Variants in MPPED2 observed in about 807,000 individuals in gnomAD.
MPPED2 encodes the protein metallophosphoesterase MPPED2.
Under a neutral mutation model 33.0 loss-of-function variants are expected in MPPED2, and 5 were observed. The ratio of observed to expected loss-of-function variants is 0.15; its 90% CI spans 0.08 to 0.32. The LOEUF is 0.32. Among genes scored for constraint, MPPED2 ranks in the 10% least tolerant of loss-of-function variants. The pLI is 1.00. For missense variants in MPPED2, 275 were observed against 372.1 expected, an observed-to-expected ratio of 0.74 and a Z score of 2.15; for synonymous variants, 136 against 141.9, an observed-to-expected ratio of 0.96 and a Z score of 0.29.
At chr11:30,566,498 A>G (rs1229944424) in intron 2 of MPPED2, among the ~76,000 whole-genome samples, 1 of 152,178 alleles carries the variant, frequency 6.6e-6, no homozygotes, top group Non-Finnish European at 1.5e-5. Context: ...CCTGAAAAAA[A>G]CACGGGAGAC....
chr11:30,456,511 T>C (rs1209844689), intron 4 of MPPED2, among the ~76,000 whole-genome samples: 1 of 152,078 alleles, frequency 6.6e-6, no homozygotes, highest in Non-Finnish European at 1.5e-5. Context: ...TCATTTTCTT[T>C]CTCTCTTTCT....
At chr11:30,442,093 G>A (rs1164656257) in intron 4 of MPPED2, among the ~76,000 whole-genome samples, 1 of 152,208 alleles carries the variant, frequency 6.6e-6, no homozygotes, top group Non-Finnish European at 1.5e-5. Context: ...CATCGTTTAA[G>A]ATAAAATGCA....
Position 30,505,725 on chromosome 11 carries a change from T to C in MPPED2, c.311-10204A>G, listed in dbSNP as rs149482001. On this transcript the variant is annotated intron_variant, in intron 3 of 6. Coordinates refer to ENST00000358117, the MANE Select transcript of MPPED2 (RefSeq NM_001584.3). ...ATCACAAGAAAAATTGGTAAAGACATTGTCAGGTTTCATCTGGATCAGTTG... is the reference window on the plus strand; with the variant it reads ...ATCACAAGAAAAATTGGTAAAGACACTGTCAGGTTTCATCTGGATCAGTTG... 2.0e-5 allele frequency among the ~76,000 whole-genome samples: 3 copies of C among 152,290 alleles called. No homozygotes were observed. The East Asian group carries it at 5.8e-4, about 29-fold the overall frequency.
chr11:30,503,745 A>G (rs951056309), intron 3 of MPPED2, among the ~76,000 whole-genome samples: 11 of 152,176 alleles, frequency 7.2e-5, no homozygotes, highest in Admixed American at 7.2e-4. Context: ...CTCCCATATT[A>G]TAGATTTTTA....
chr11:30,388,880 T>G (rs146763961), exon 7 of MPPED2: 2 of 1,553,780 alleles, frequency 1.3e-6, no homozygotes, highest in African/African-American at 2.7e-5. Context: ...TATGCCAGTT[T>G]CCTCTAGACT....
At chr11:30,505,683 CA>C (rs1177592274) in intron 3 of MPPED2, among the ~76,000 whole-genome samples, 1 of 152,194 alleles carries the variant, frequency 6.6e-6, no homozygotes, top group South Asian at 2.1e-4. Context: ...GCATCCAAAT[CA>C]AGGTTCCACC....
downstream of MPPED2, among the ~76,000 whole-genome samples, chr11:30,406,322 C>A (rs375625513): frequency 3.0e-4 from 45 of 152,266 alleles, 1 homozygote; most frequent in South Asian, 8.3e-3. Flanking sequence ...GCTGAAAAAT[C>A]AGTTCATGCT....
At chr11:30,482,544 T>C (rs1240877992) in intron 4 of MPPED2, among the ~76,000 whole-genome samples, 1 of 152,176 alleles carries the variant, frequency 6.6e-6, no homozygotes, top group Non-Finnish European at 1.5e-5. Flanking sequence ...TTTTGATGAT[T>C]TTCTATATTT....
At chr11:30,517,614 G>A (rs1302641944) in intron 3 of MPPED2, among the ~76,000 whole-genome samples, 1 of 152,102 alleles carries the variant, frequency 6.6e-6, no homozygotes, top group African/African-American at 2.4e-5. Flanking sequence ...TCTGGGACGT[G>A]TCCTTCCTCA....
At position 30,411,446 on chromosome 11, in the gene MPPED2, T is replaced by A; in HGVS notation, c.*22A>T. 1.2e-6 allele frequency: 2 copies of A among 1,609,138 alleles called. No individual in the cohort carries two copies. Among genetic ancestry groups the A allele is most frequent in the South Asian group, 2.2e-5 (2 of 90,254 alleles). ...GGCAGTTTATAGACCTTCCCTCACATTCCAATAGGGCATTTAGAGCTTCAG... is the reference window on the plus strand; with the variant it reads ...GGCAGTTTATAGACCTTCCCTCACAATCCAATAGGGCATTTAGAGCTTCAG... On this transcript the variant is annotated 3_prime_UTR_variant, in exon 7 of 7. Transcript: ENST00000358117.
intron 4 of MPPED2, among the ~76,000 whole-genome samples, chr11:30,489,924 T>C (rs1951900706): frequency 6.7e-6 from 1 of 148,936 alleles, no homozygotes; most frequent in Non-Finnish European, 1.5e-5. Flanking sequence ...TTTTTTTTTC[T>C]GCACAGTATC....
intron 4 of MPPED2, among the ~76,000 whole-genome samples, chr11:30,434,773 T>C (rs1436082506): frequency 6.6e-6 from 1 of 152,228 alleles, no homozygotes; most frequent in Non-Finnish European, 1.5e-5. Flanking sequence ...TCACCATCAC[T>C]GAAACAATTG....
At chr11:30,455,460 C>A (rs751564893) in intron 4 of MPPED2, among the ~76,000 whole-genome samples, 10 of 152,194 alleles carry the variant, frequency 6.6e-5, no homozygotes, top group Non-Finnish European at 1.3e-4. Flanking sequence ...AAAAGGCTGC[C>A]TTCTGGAGTG....
At position 30,579,002 on chromosome 11, in the gene MPPED2, C is replaced by CTT. The variant is rs57264756; in HGVS notation, c.128+1242_128+1243dup. On this transcript the variant is annotated intron_variant, in intron 2 of 6. Coordinates refer to ENST00000358117, the MANE Select transcript of MPPED2 (RefSeq NM_001584.3). ...AACCACTTACAAGGATTGTCTTTTC[C>CTT]TTTTTTTTTTTTTTTTGGTCACTCA... Among the ~76,000 whole-genome samples, 697 of 141,018 alleles carry CTT rather than the reference C, an allele frequency of 4.9e-3. 1 individual carries two copies. The highest frequency in any genetic ancestry group is 0.015 in the Middle Eastern group (4 of 260). 92.5% of individuals were successfully genotyped at this position (141,018 alleles called of 152,430 possible). A position where few individuals can be genotyped will look rare whatever the true frequency, so the allele number is the denominator to read the frequency against.
At chr11:30,459,424 G>C (rs571027483) in intron 4 of MPPED2, among the ~76,000 whole-genome samples, 1 of 149,336 alleles carries the variant, frequency 6.7e-6, no homozygotes, top group African/African-American at 2.4e-5. Context: ...TTTATAATAA[G>C]AAAACCCACA....
At chr11:30,472,747 C>T (rs1009495123) in intron 4 of MPPED2, among the ~76,000 whole-genome samples, 6 of 152,042 alleles carry the variant, frequency 3.9e-5, no homozygotes, top group Non-Finnish European at 7.4e-5. Flanking sequence ...GGTGGTTACT[C>T]GGGGCTGGGT....
intron 2 of MPPED2, among the ~76,000 whole-genome samples, chr11:30,555,214 A>G (rs1031252176): frequency 3.9e-5 from 6 of 152,206 alleles, no homozygotes; most frequent in Non-Finnish European, 7.4e-5. Context: ...AGGCACCCCA[A>G]ACACCACCTC....
At chr11:30,532,964 G>T (rs1234806862) in intron 3 of MPPED2, among the ~76,000 whole-genome samples, 1 of 152,316 alleles carries the variant, frequency 6.6e-6, no homozygotes, top group East Asian at 1.9e-4. Context: ...GATGGGCAGA[G>T]CTTAAACACA....
chr11:30,426,222 G>A (rs183098073), intron 4 of MPPED2, among the ~76,000 whole-genome samples: 66 of 152,214 alleles, frequency 4.3e-4, no homozygotes, highest in African/African-American at 1.5e-3. Flanking sequence ...TGAATTCAAC[G>A]ATTCTAGGTA....
Sources: gnomAD v4.1 joint callset for allele counts (sites outside exome capture counted in the v4.1 genomes callset) on GRCh38, gnomAD v4.1.1 for gene constraint, MANE v1.5 for transcripts, NCBI Gene and HGNC (gene_info 2026-07-23, HGNC 2026-07-21) for gene names.